CARD19: variants seen among roughly 807,000 people sequenced by gnomAD.
The protein encoded by CARD19 is caspase recruitment domain-containing protein 19.
Under a neutral mutation model 24.1 loss-of-function variants are expected in CARD19, and 25 were observed. The observed-to-expected ratio is 1.04, with a 90% CI of 0.76 to 1.45. The LOEUF (loss-of-function observed/expected upper bound fraction) is 1.45. CARD19 is among the 40% of genes most tolerant of loss of function. CARD19 has a pLI of 0.00. For missense variants in CARD19, 241 were observed against 247.4 expected (o/e 0.97, Z 0.17); for synonymous variants, 103 against 104.9 (o/e 0.98, Z 0.11).
rs764555436 is a variant in CARD19, at chr9:93,107,798, C to T, written c.132C>T (p.Thr44=). ...QLNRYYPQIL[T]NKEAEKFRNP... ...ACCGTTACTACCCACAGATCCTTAC[C>T]AACAAGGAGGCGGAAAAGGTGCTGA... Residue 44 remains threonine (T), a synonymous_variant, in exon 2 of 6, where the codon ACC becomes ACT. Transcript: ENST00000375464. 2.7e-5 allele frequency: 44 copies of T among 1,614,088 alleles called. No homozygotes were observed. The South Asian group carries it at 4.7e-4, about 17-fold the overall frequency.
At chr9:93,111,133 A>C in intron 3 of CARD19, 3 of 1,227,654 alleles carry the variant, frequency 2.4e-6, no homozygotes, top group Non-Finnish European at 3.1e-6. Flanking sequence ...ACCCAACCCC[A>C]TGACGGACCC....
chr9:93,112,497 G>A (rs1428142091), intron 5 of CARD19, among the ~76,000 whole-genome samples: 3 of 152,236 alleles, frequency 2.0e-5, no homozygotes, highest in Non-Finnish European at 4.4e-5. Context: ...CCACCCTTGG[G>A]AACCAGAGAA....
Position 93,105,197 on chromosome 9 carries a change from CGTGTGTGTGT to C in CARD19, c.8-2462_8-2453del, listed in dbSNP as rs56089144. 1.2e-4 allele frequency among the ~76,000 whole-genome samples: 18 copies of C among 150,442 alleles called. No homozygotes were observed. In the East Asian group the frequency reaches 1.6e-3, roughly 13 times the overall value. On this transcript the variant is annotated intron_variant, in intron 1 of 5. Transcript: ENST00000375464. ...GTGTGTGCACGCGCGTGTGTGTGTG[CGTGTGTGTGT>C]GTGTGTGTGTGTGTTTCTGCCTTTC...
intron 2 of CARD19, 134 bp downstream of exon 2, chr9:93,107,950 G>T: frequency 8.4e-7 from 1 of 1,197,536 alleles, no homozygotes. Context: ...ATTCAGAGGT[G>T]ACACATCTGG....
At chr9:93,101,010 C>T (rs1827058419) in intron 1 of CARD19, among the ~76,000 whole-genome samples, 1 of 152,164 alleles carries the variant, frequency 6.6e-6, no homozygotes, top group Admixed American at 6.5e-5. Context: ...CATCTTTTGG[C>T]TATTTTGAAT....
intron 1 of CARD19, among the ~76,000 whole-genome samples, chr9:93,097,342 C>T (rs1480752819): frequency 6.6e-6 from 1 of 152,078 alleles, no homozygotes; most frequent in Non-Finnish European, 1.5e-5. Context: ...GGACACCAGG[C>T]CAGAAGAGAC....
intron 1 of CARD19, among the ~76,000 whole-genome samples, chr9:93,106,577 C>CAA (rs58551380): frequency 0.2 from 27,141 of 134,890 alleles, 4,351 homozygotes; most frequent in African/African-American, 0.45. Flanking sequence ...CAAAAAAAAA[C>CAA]AAAAAAAAAA....
chr9:93,102,416 C>T (rs745857363), intron 1 of CARD19, among the ~76,000 whole-genome samples: 6 of 152,104 alleles, frequency 3.9e-5, no homozygotes, highest in Non-Finnish European at 8.8e-5. Flanking sequence ...AGTAAGGATA[C>T]TAATCCCTTA....
At chr9:93,101,713 C>T (rs1827091270) in intron 1 of CARD19, among the ~76,000 whole-genome samples, 1 of 152,128 alleles carries the variant, frequency 6.6e-6, no homozygotes, top group African/African-American at 2.4e-5. Flanking sequence ...GCTGGGATTA[C>T]AGGTGTGAGC....
rs772584385 is a variant in CARD19 at position 93,107,789 on chromosome 9, G to T, written c.123G>T (p.Gln41His). ...TCCAGCTGAACCGTTACTACCCACA[G>T]ATCCTTACCAACAAGGAGGCGGAAA... ...IILQLNRYYP[Q>H]ILTNKEAEKF... The change falls in exon 2 of 6, where the codon CAG (glutamine) becomes CAT (histidine). Residue 41 changes from glutamine to histidine, a missense_variant. Transcript: ENST00000375464. 2 of 1,614,110 alleles carry T rather than the reference G, an allele frequency of 1.2e-6. No homozygotes were observed. The highest frequency in any genetic ancestry group is 1.7e-6 in the Non-Finnish European group (2 of 1,180,056).
chr9:93,111,526 G>T, intron 3 of CARD19: 10 of 1,168,066 alleles, frequency 8.6e-6, no homozygotes, highest in Non-Finnish European at 1.1e-5. Context: ...CAGACGGTGG[G>T]CGGGGAGAGC....
intron 1 of CARD19, among the ~76,000 whole-genome samples, chr9:93,099,245 C>A (rs1203891034): frequency 6.6e-6 from 1 of 152,188 alleles, no homozygotes; most frequent in Non-Finnish European, 1.5e-5. Flanking sequence ...TTAGTGAGCA[C>A]CTACTGGGTG....
In CARD19 at chr9:93,113,090, G is replaced by A. The variant is rs769047441; in HGVS notation, c.535G>A (p.Asp179Asn). ...SRYLLAFLAD[D>N]LGGL The stretch of plus-strand genomic sequence containing the variant: ...CTACCTGCTGGCCTTCCTGGCAGAT[G>A]ACCTAGGGGGGCTCTGACAGACCCT... Residue 179 changes from aspartate to asparagine, a missense_variant, in exon 6 of 6, where the codon GAC (aspartate) becomes AAC (asparagine). Asp to Asn is a conservative substitution (Grantham distance 23). Transcript: ENST00000375464. The A allele has an allele frequency of 1.3e-6, 2 of 1,579,522 alleles. No homozygotes were observed. Among genetic ancestry groups the A allele is most frequent in the African/African-American group, 1.3e-5 (1 of 74,382 alleles).
intron 1 of CARD19, among the ~76,000 whole-genome samples, chr9:93,101,843 A>G (rs1375834525): frequency 8.0e-6 from 1 of 125,148 alleles, no homozygotes; most frequent in African/African-American, 2.6e-5. Context: ...AAGAGTTTGA[A>G]TTTCTCCATA....
In CARD19 at chr9:93,110,581, A is replaced by C. The variant is rs1827428953; in HGVS notation, c.164A>C (p.Lys55Thr). ...NKEAEKFRNPKASLRVRLCDL... is the reference protein window; with the variant it reads ...NKEAEKFRNPTASLRVRLCDL... The stretch of plus-strand genomic sequence containing the variant: ...TTGTACCCTCAGTTCCGGAACCCCA[A>C]GGCATCCTTGCGTGTGCGGCTCTGT... The change falls in exon 3 of 6, where the codon AAG (lysine) becomes ACG (threonine). Residue 55 changes from lysine to threonine, a missense_variant. Transcript: ENST00000375464. 6.9e-6 allele frequency: 11 copies of C among 1,604,700 alleles called. No individual in the cohort carries two copies. Among genetic ancestry groups the C allele is most frequent in the Non-Finnish European group, 9.4e-6 (11 of 1,173,520 alleles).
At chr9:93,100,734 C>T (rs1447400646) in intron 1 of CARD19, among the ~76,000 whole-genome samples, 1 of 152,180 alleles carries the variant, frequency 6.6e-6, no homozygotes, top group Non-Finnish European at 1.5e-5. Context: ...TCCTTCTGCC[C>T]ACACCTCCTG....
chr9:93,110,661 C>T lies in CARD19; in HGVS notation c.244C>T (p.Arg82Ter), dbSNP rs149980084. The change falls in exon 3 of 6, where the codon CGA (arginine) becomes TGA (stop). Residue 82 changes from arginine to a stop codon, truncating the protein, a stop_gained. Coordinates refer to ENST00000375464, the MANE Select transcript of CARD19 (RefSeq NM_032310.5). LOFTEE classifies it high-confidence loss of function. Reference sequence around the variant, plus strand: ...TGAGCGGGACTGCCAGGAGTTCTACCGAGCCCTGTATATCCATGCCCAGCC... The same window carrying T: ...TGAGCGGGACTGCCAGGAGTTCTACTGAGCCCTGTATATCCATGCCCAGCC... ...SGERDCQEFY[R>*]ALYIHAQPLH... 1.7e-5 allele frequency: 28 copies of T among 1,613,620 alleles called. No individual in the cohort carries two copies. Among genetic ancestry groups the T allele is most frequent in the East Asian group, 8.9e-5 (4 of 44,890 alleles).
intron 3 of CARD19, 126 bp from the exon 4 acceptor site, chr9:93,111,753 G>A: frequency 6.7e-7 from 1 of 1,497,894 alleles, no homozygotes; most frequent in African/African-American, 1.4e-5. Flanking sequence ...CTAGCCTCAG[G>A]TGCCACAGCC....
At chr9:93,107,905 A>G (rs763833542) in intron 2 of CARD19, 89 bp downstream of exon 2, 148 of 1,520,026 alleles carry the variant, frequency 9.7e-5, no homozygotes, top group Non-Finnish European at 1.2e-4. Flanking sequence ...GCCCTGGGTC[A>G]TTCTCTCATG....
Sources: allele counts gnomAD v4.1 joint callset (sites outside exome capture counted in the v4.1 genomes callset), GRCh38; gene constraint gnomAD v4.1.1; transcripts MANE v1.5; gene names NCBI Gene and HGNC (gene_info 2026-07-23, HGNC 2026-07-21).